CENPE: variants seen among roughly 807,000 people sequenced by gnomAD.
The protein encoded by CENPE is centromere protein E.
In CENPE, 145 loss-of-function variants were observed where a neutral mutation model predicts 336.1. That is an observed-to-expected ratio of 0.43 (90% CI 0.38 to 0.50). The LOEUF (loss-of-function observed/expected upper bound fraction) is 0.50, where lower values mean the gene tolerates loss of function less well. Among genes scored for constraint, CENPE ranks in the 20% least tolerant of loss-of-function variants. The pLI, the probability that CENPE is intolerant of heterozygous loss-of-function variation, is 0.00. For missense variants in CENPE, 2,719 were observed against 3,023.3 expected (o/e 0.90, Z 2.36); for synonymous variants, 1,013 against 984.8 (o/e 1.03, Z -0.54).
At chr4:103,124,193 A>T (rs1051760029) in intron 42 of CENPE, among the ~76,000 whole-genome samples, 2 of 152,172 alleles carry the variant, frequency 1.3e-5, no homozygotes, top group Non-Finnish European at 2.9e-5. Flanking sequence ...TACATATTTT[A>T]AAAAAACTTC....
chr4:103,138,821 T>C (rs1011482253), intron 38 of CENPE, among the ~76,000 whole-genome samples: 5 of 152,020 alleles, frequency 3.3e-5, no homozygotes, highest in Admixed American at 1.3e-4. Context: ...CTCAGCAACA[T>C]AGTGAGACCC....
At position 103,151,295 on chromosome 4, in the gene CENPE, T is replaced by C. The variant is rs764210933; in HGVS notation, c.3320A>G (p.His1107Arg). ...AAGCTCTCCTTCTTTCTTTATGGCA[T>C]GGTTCTTTTCTTGTGCAACTATCTC... is the stretch of plus-strand genomic sequence containing the variant. Reference protein sequence around the residue: ...QQEIVAQEKNHAIKKEGELSR... With the variant: ...QQEIVAQEKNRAIKKEGELSR... Residue 1107 changes from histidine (H) to arginine (R), a missense_variant, in exon 26 of 49, where the codon CAT becomes CGT. Coordinates refer to ENST00000265148, the MANE Select transcript of CENPE (RefSeq NM_001813.3). 3 of 1,606,934 alleles carry C rather than the reference T, an allele frequency of 1.9e-6. No individual in the cohort carries two copies. In the East Asian group the frequency reaches 6.7e-5, roughly 36 times the overall value.
rs757324080 is a variant in CENPE, at chr4:103,144,361, G to C, written c.5115C>G (p.Leu1705=). ...EETLKVERDQ[L]KENLRETITR... The stretch of plus-strand genomic sequence containing the variant: ...TTATAGTTTCTCTAAGGTTTTCCTT[G>C]AGCTGGTCTCTCTCTACTTTGAGAG... The change falls in exon 33 of 49, where the codon CTC becomes CTG. Residue 1705 remains leucine (L), a synonymous_variant. Transcript: ENST00000265148. 6.2e-7 allele frequency: 1 copy of C among 1,610,858 alleles called. No individual in the cohort carries two copies. Among genetic ancestry groups the C allele is most frequent in the African/African-American group, 1.3e-5 (1 of 74,510 alleles).
chr4:103,110,418 G>C (rs986049338), intron 47 of CENPE, among the ~76,000 whole-genome samples: 1 of 152,020 alleles, frequency 6.6e-6, no homozygotes, highest in African/African-American at 2.4e-5. Context: ...TAGAGTGCTT[G>C]GGGAAAAGAT....
At chr4:103,193,987 G>T (rs1466546688) in intron 8 of CENPE, among the ~76,000 whole-genome samples, 1 of 151,956 alleles carries the variant, frequency 6.6e-6, no homozygotes, top group East Asian at 1.9e-4. Flanking sequence ...TAACCCTATA[G>T]CCCTGACATT....
intron 8 of CENPE, among the ~76,000 whole-genome samples, chr4:103,191,524 C>T (rs1399955268): frequency 1.3e-5 from 2 of 151,948 alleles, no homozygotes; most frequent in African/African-American, 2.4e-5. Context: ...TGGAAACCAT[C>T]ATTCTCAGCA....
intron 16 of CENPE, among the ~76,000 whole-genome samples, chr4:103,168,823 TC>T (rs1241725330): frequency 1.3e-5 from 2 of 152,160 alleles, no homozygotes; most frequent in East Asian, 3.8e-4. Context: ...GTGACCTCAG[TC>T]ATACTATAGA....
At chr4:103,172,792 T>C (rs1273008535) in intron 16 of CENPE, among the ~76,000 whole-genome samples, 2 of 151,800 alleles carry the variant, frequency 1.3e-5, no homozygotes, top group Admixed American at 6.6e-5. Flanking sequence ...CTCTATATGT[T>C]AATGGCAAAC....
chr4:103,109,358 C>T (rs1749188479), intron 47 of CENPE, among the ~76,000 whole-genome samples: 1 of 152,084 alleles, frequency 6.6e-6, no homozygotes. Flanking sequence ...CTAAGTACAA[C>T]ATTAGGTTTT....
intron 19 of CENPE, 42 bp from the exon 20 acceptor site, chr4:103,161,293 C>G: frequency 6.2e-7 from 1 of 1,603,984 alleles, no homozygotes; most frequent in Non-Finnish European, 8.5e-7. Flanking sequence ...ATACACTGAT[C>G]ATTACAACTA....
chr4:103,122,925 T>G lies in CENPE; in HGVS notation c.7089A>C (p.Thr2363=). The G allele has an allele frequency of 6.2e-7, 1 of 1,614,006 alleles. No individual in the cohort carries two copies. Among genetic ancestry groups the G allele is most frequent in the Non-Finnish European group, 8.5e-7 (1 of 1,179,862 alleles). ...LASGAQVNPT[T]QDNKNPHVTS... is the part of the protein sequence containing the mutation. ...TAACATGAGGATTCTTATTGTCTTG[T>G]GTGGTAGGATTAACCTGGGCACCAG... is the stretch of plus-strand genomic sequence containing the variant. Residue 2363 remains threonine, a synonymous_variant, in exon 43 of 49, where the codon ACA becomes ACC. Transcript: ENST00000265148.
chr4:103,128,208 C>G (rs1372465586), intron 42 of CENPE, among the ~76,000 whole-genome samples: 3 of 151,912 alleles, frequency 2.0e-5, no homozygotes, highest in Non-Finnish European at 2.9e-5. Flanking sequence ...ACATCAATAC[C>G]CCAAGAAGAC....
chr4:103,139,896 C>T lies in CENPE; in HGVS notation c.6097G>A (p.Glu2033Lys). Residue 2033 changes from glutamate to lysine, a missense_variant, in exon 38 of 49, where the codon GAA (glutamate) becomes AAA (lysine). This residue lies in a region of CENPE where 2,437 missense variants were observed against 2,513.3 expected (regional missense o/e 0.97). Transcript: ENST00000265148. ...CTTTCTTTAGCTACAATTCTTATTT[C>T]TTCAAGGCTTTCATGAAGTTTCTTA... ...LTKKLHESLE[E>K]IRIVAKERDE... 1.2e-6 allele frequency: 2 copies of T among 1,613,326 alleles called. No individual in the cohort carries two copies. Among genetic ancestry groups the T allele is most frequent in the Non-Finnish European group, 1.7e-6 (2 of 1,179,612 alleles).
chr4:103,113,441 A>T (rs2720450), intron 46 of CENPE, among the ~76,000 whole-genome samples: 1 of 139,152 alleles, frequency 7.2e-6, no homozygotes. Context: ...ACTTATATAT[A>T]TTACTTACAT....
chr4:103,174,780 C>A lies in CENPE; in HGVS notation c.1603G>T (p.Asp535Tyr). 6.4e-7 allele frequency: 1 copy of A among 1,554,108 alleles called. No homozygotes were observed. Among genetic ancestry groups the A allele is most frequent in the South Asian group, 1.2e-5 (1 of 81,888 alleles). The change falls in exon 16 of 49, where the codon GAT becomes TAT. Residue 535 changes from aspartate (D) to tyrosine (Y), a missense_variant. Physicochemically the swap from Asp to Tyr is radical, Grantham distance 160. This residue lies in a region of CENPE where 2,437 missense variants were observed against 2,513.3 expected (regional missense o/e 0.97). Transcript: ENST00000265148. ...TTTCTTTCTAGAGCCTCAAATTCAT[C>A]CAAATCATTCTTTTCTTTTAATTTC... The part of the protein sequence containing the change: ...ELKLKEKNDL[D>Y]EFEALERKTK...
At chr4:103,190,328 T>C (rs1448758277) in intron 8 of CENPE, among the ~76,000 whole-genome samples, 1 of 152,174 alleles carries the variant, frequency 6.6e-6, no homozygotes, top group Non-Finnish European at 1.5e-5. Flanking sequence ...AGAGCCCGCA[T>C]TGCCAAGTCA....
intron 44 of CENPE, among the ~76,000 whole-genome samples, chr4:103,118,637 T>A (rs756166842): frequency 1.3e-5 from 2 of 152,190 alleles, no homozygotes; most frequent in Non-Finnish European, 2.9e-5. Context: ...TCCTATGTCA[T>A]CTTCTTGGAG....
chr4:103,187,033 T>C (rs1398718311), intron 8 of CENPE, among the ~76,000 whole-genome samples: 1 of 152,192 alleles, frequency 6.6e-6, no homozygotes, highest in East Asian at 1.9e-4. Context: ...TGCAGGACTT[T>C]TTAAGTGAGA....
chr4:103,154,418 T>G (rs17216959), intron 24 of CENPE, among the ~76,000 whole-genome samples: 6,873 of 152,256 alleles, frequency 0.045, 233 homozygotes, highest in Middle Eastern at 0.099. Context: ...CTACAAATAA[T>G]TTTTAGTAGC....
Sources: gnomAD v4.1 joint callset for allele counts (sites outside exome capture counted in the v4.1 genomes callset) on GRCh38, gnomAD v4.1.1 for gene constraint, gnomAD v4.1.1 regional missense constraint, MANE v1.5 for transcripts, NCBI Gene and HGNC (gene_info 2026-07-23, HGNC 2026-07-21) for gene names.